The following DLG2 variants were observed in gnomAD, a reference collection of about 807,000 sequenced individuals.
The protein encoded by DLG2 is discs large MAGUK scaffold protein 2.
In DLG2, 45 loss-of-function variants were observed where a neutral mutation model predicts 132.5. The ratio of observed to expected loss-of-function variants is 0.34; its 90% CI spans 0.27 to 0.44. The LOEUF (loss-of-function observed/expected upper bound fraction) is 0.44. Among genes scored for constraint, DLG2 ranks in the 20% least tolerant of loss-of-function variants. The pLI, the probability that DLG2 is intolerant of heterozygous loss-of-function variation, is 1.00. For synonymous variants in DLG2, 424 were observed against 419.6 expected, an observed-to-expected ratio of 1.01 and a Z score of -0.13; for missense variants, 1,045 against 1,196.9, an observed-to-expected ratio of 0.87 and a Z score of 1.87.
intron 7 of DLG2, among the ~76,000 whole-genome samples, chr11:84,463,745 T>A (rs774032465): frequency 6.6e-5 from 10 of 151,312 alleles, no homozygotes; most frequent in Non-Finnish European, 1.5e-4. Flanking sequence ...AAACAAGGAA[T>A]GTGTGAATGA....
chr11:84,435,590 T>A (rs2098998002), intron 7 of DLG2, among the ~76,000 whole-genome samples: 2 of 152,196 alleles, frequency 1.3e-5, no homozygotes, highest in African/African-American at 4.8e-5. Context: ...GTAGATTTCC[T>A]GATGTAAATG....
intron 6 of DLG2, among the ~76,000 whole-genome samples, chr11:84,556,788 A>G (rs1254920707): frequency 6.6e-6 from 1 of 152,202 alleles, no homozygotes; most frequent in Non-Finnish European, 1.5e-5. Flanking sequence ...CTTATCATTT[A>G]GCTCCCACTT....
intron 3 of DLG2, among the ~76,000 whole-genome samples, chr11:85,448,975 T>C (rs1475741458): frequency 6.6e-6 from 1 of 152,152 alleles, no homozygotes; most frequent in African/African-American, 2.4e-5. Context: ...CAGAAGTTGT[T>C]TACGTTAATC....
At chr11:85,031,915 C>T (rs1405856825) in intron 6 of DLG2, among the ~76,000 whole-genome samples, 1 of 138,428 alleles carries the variant, frequency 7.2e-6, no homozygotes, top group East Asian at 2.4e-4. Context: ...TCCTGAGAGG[C>T]TGGGGCTACA....
chr11:85,118,264 C>G (rs1234782478), intron 5 of DLG2, among the ~76,000 whole-genome samples: 1 of 152,046 alleles, frequency 6.6e-6, no homozygotes, highest in Non-Finnish European at 1.5e-5. Context: ...ATGCTGCTGA[C>G]CTATTCTCCA....
At chr11:83,832,718 A>C (rs577360647) in intron 17 of DLG2, among the ~76,000 whole-genome samples, 2 of 152,204 alleles carry the variant, frequency 1.3e-5, no homozygotes, top group Non-Finnish European at 2.9e-5. Context: ...ATATACCCAT[A>C]TAAGAAACAT....
At chr11:83,547,407 G>A (rs1005238004) in intron 19 of DLG2, among the ~76,000 whole-genome samples, 3 of 152,042 alleles carry the variant, frequency 2.0e-5, no homozygotes, top group South Asian at 2.1e-4. Context: ...TGGATTATCC[G>A]GGTGGACACA....
intron 8 of DLG2, among the ~76,000 whole-genome samples, chr11:84,207,682 G>C (rs1031098565): frequency 2.6e-5 from 4 of 152,064 alleles, no homozygotes; most frequent in Non-Finnish European, 5.9e-5. Flanking sequence ...AAACTATAAA[G>C]TTCATAAAAG....
intron 3 of DLG2, among the ~76,000 whole-genome samples, chr11:85,369,333 C>T (rs1319803691): frequency 6.6e-6 from 1 of 152,120 alleles, no homozygotes; most frequent in Non-Finnish European, 1.5e-5. Flanking sequence ...AGAGGTTCAG[C>T]TTTTTCTGAC....
intron 3 of DLG2, among the ~76,000 whole-genome samples, chr11:85,297,219 C>G (rs534012488): frequency 1.3e-5 from 2 of 152,132 alleles, no homozygotes; most frequent in African/African-American, 4.8e-5. Flanking sequence ...AATATGCTAC[C>G]CAATATACCT....
chr11:84,151,327 G>T (rs7113104), intron 9 of DLG2, among the ~76,000 whole-genome samples: 1 of 151,842 alleles, frequency 6.6e-6, no homozygotes, highest in South Asian at 2.1e-4. Context: ...AGATTTTCTA[G>T]CTTGTGTGTA....
chr11:85,259,745 C>T (rs969557493), intron 4 of DLG2, among the ~76,000 whole-genome samples: 5 of 151,958 alleles, frequency 3.3e-5, no homozygotes, highest in Admixed American at 3.3e-4. Context: ...TCCAAATCCC[C>T]TGGCCAGAAA....
At chr11:84,216,552 G>C (rs2096838029) in intron 8 of DLG2, among the ~76,000 whole-genome samples, 1 of 152,180 alleles carries the variant, frequency 6.6e-6, no homozygotes, top group Non-Finnish European at 1.5e-5. Context: ...GTTGGGATGA[G>C]TGATGAATAA....
At chr11:85,050,233 G>C (rs1052359776) in intron 6 of DLG2, among the ~76,000 whole-genome samples, 1 of 151,512 alleles carries the variant, frequency 6.6e-6, no homozygotes, top group African/African-American at 2.4e-5. Flanking sequence ...AATTAAAAAT[G>C]TACACTAAAA....
intron 6 of DLG2, among the ~76,000 whole-genome samples, chr11:84,749,347 C>T (rs186709530): frequency 1.6e-4 from 25 of 152,146 alleles, no homozygotes; most frequent in Middle Eastern, 3.4e-3. Flanking sequence ...TATAGCCACC[C>T]CTGGGATATA....
intron 3 of DLG2, among the ~76,000 whole-genome samples, chr11:85,368,280 G>T (rs1021747283): frequency 6.6e-6 from 1 of 152,204 alleles, no homozygotes; most frequent in Non-Finnish European, 1.5e-5. Flanking sequence ...AATTGCAAAC[G>T]TGAGGTTGCA....
intron 7 of DLG2, among the ~76,000 whole-genome samples, chr11:84,446,822 A>G (rs1455653807): frequency 6.6e-6 from 1 of 151,994 alleles, no homozygotes; most frequent in African/African-American, 2.4e-5. Context: ...ATGTCCATCA[A>G]AACCCTACAC....
intron 8 of DLG2, among the ~76,000 whole-genome samples, chr11:84,211,797 T>C (rs934024112): frequency 2.6e-5 from 4 of 152,186 alleles, no homozygotes; most frequent in African/African-American, 4.8e-5. Context: ...AAATCCCTTT[T>C]GTTAAAGGGA....
intron 18 of DLG2, among the ~76,000 whole-genome samples, chr11:83,755,888 C>T (rs995768990): frequency 2.0e-5 from 3 of 151,342 alleles, no homozygotes; most frequent in African/African-American, 7.4e-5. Context: ...TATTCCCACA[C>T]GTGCCTTTAA....
Sources: gnomAD v4.1 joint callset for allele counts (sites outside exome capture counted in the v4.1 genomes callset) on GRCh38, gnomAD v4.1.1 for gene constraint, MANE v1.5 for transcripts, NCBI Gene and HGNC (gene_info 2026-07-23, HGNC 2026-07-21) for gene names.